Variants in LINGO2 observed in about 807,000 individuals in gnomAD.
LINGO2 encodes leucine-rich repeat and immunoglobulin-like domain-containing nogo receptor-interacting protein 2.
A neutral mutation model predicts 30.6 loss-of-function variants in LINGO2; 14 were observed. The observed-to-expected ratio is 0.46, with a 90% CI of 0.30 to 0.72. The LOEUF is 0.72. Among genes scored for constraint, LINGO2 ranks in the 30% least tolerant of loss-of-function variants. LINGO2 has a pLI of 0.07. For missense variants in LINGO2, 729 were observed against 751.7 expected (o/e 0.97, Z 0.35); for synonymous variants, 317 against 288.5 (o/e 1.10, Z -1.00).
the LINGO2 span, among the ~76,000 whole-genome samples, chr9:28,804,658 C>T: frequency 6.6e-6 from 1 of 151,926 alleles, no homozygotes; most frequent in East Asian, 1.9e-4. Flanking sequence ...AATAATTTGT[C>T]TATATTCTAA....
At chr9:29,048,066 A>T in the LINGO2 span, among the ~76,000 whole-genome samples, 1 of 152,222 alleles carries the variant, frequency 6.6e-6, no homozygotes, top group Non-Finnish European at 1.5e-5. Flanking sequence ...AGCTGAGATC[A>T]CGCCACTGCA....
At chr9:28,376,087 C>CTTT (rs75147834) in intron 2 of LINGO2, among the ~76,000 whole-genome samples, 38 of 138,740 alleles carry the variant, frequency 2.7e-4, no homozygotes, top group African/African-American at 9.8e-4. Flanking sequence ...ACTTTCCTTG[C>CTTT]TTTTTTTTTT....
the LINGO2 span, among the ~76,000 whole-genome samples, chr9:28,783,129 T>TAA: frequency 3.0e-4 from 46 of 152,364 alleles, 2 homozygotes; most frequent in African/African-American, 1.1e-3. Context: ...TTTATGAAGA[T>TAA]AATTCAACTT....
chr9:28,153,336 T>C (rs960845266), intron 4 of LINGO2, among the ~76,000 whole-genome samples: 2 of 152,180 alleles, frequency 1.3e-5, no homozygotes, highest in Non-Finnish European at 2.9e-5. Flanking sequence ...AGTTTGCACA[T>C]ATATGTTATG....
chr9:29,195,352 TGTGTGTGTGTGG>T, the LINGO2 span, among the ~76,000 whole-genome samples: 23 of 152,058 alleles, frequency 1.5e-4, no homozygotes, highest in Non-Finnish European at 3.1e-4. Context: ...ATATTGTGTG[TGTGTGTGTGTGG>T]GTGTGTGTGT....
chr9:28,911,188 G>A, the LINGO2 span, among the ~76,000 whole-genome samples: 5 of 151,670 alleles, frequency 3.3e-5, no homozygotes, highest in Non-Finnish European at 7.4e-5. Context: ...GCATATAAGA[G>A]GTAACAAAAT....
chr9:28,164,232 C>A (rs1320430527), intron 4 of LINGO2, among the ~76,000 whole-genome samples: 2 of 152,150 alleles, frequency 1.3e-5, no homozygotes, highest in Non-Finnish European at 1.5e-5. Context: ...ACCCAGGATT[C>A]ATGTTCTTTT....
At chr9:28,984,105 C>G in the LINGO2 span, among the ~76,000 whole-genome samples, 2 of 152,050 alleles carry the variant, frequency 1.3e-5, no homozygotes, top group Admixed American at 6.6e-5. Flanking sequence ...ATTTTATCCT[C>G]CCAAAGAATT....
At chr9:29,162,610 T>C in the LINGO2 span, among the ~76,000 whole-genome samples, 3 of 152,250 alleles carry the variant, frequency 2.0e-5, no homozygotes, top group East Asian at 1.9e-4. Flanking sequence ...TTGGACAGAA[T>C]AGCCAAGTCA....
At chr9:29,092,181 G>A in the LINGO2 span, among the ~76,000 whole-genome samples, 1 of 151,902 alleles carries the variant, frequency 6.6e-6, no homozygotes, top group Non-Finnish European at 1.5e-5. Flanking sequence ...TTATACAGAT[G>A]AGGAAACAGG....
At chr9:28,988,854 T>A in the LINGO2 span, among the ~76,000 whole-genome samples, 1 of 152,198 alleles carries the variant, frequency 6.6e-6, no homozygotes, top group Admixed American at 6.5e-5. Flanking sequence ...TTGTTTTCAT[T>A]CAGTTTTGCA....
intron 4 of LINGO2, among the ~76,000 whole-genome samples, chr9:28,025,341 T>C (rs1823325682): frequency 6.6e-6 from 1 of 152,238 alleles, no homozygotes; most frequent in African/African-American, 2.4e-5. Context: ...CAGGCATACA[T>C]AATTCATGTC....
At chr9:28,266,008 A>T (rs1424674005) in intron 4 of LINGO2, among the ~76,000 whole-genome samples, 1 of 152,096 alleles carries the variant, frequency 6.6e-6, no homozygotes, top group African/African-American at 2.4e-5. Flanking sequence ...AACACCTAGT[A>T]ATTTTTTCAT....
At chr9:28,493,438 A>C (rs1223426612) in intron 1 of LINGO2, among the ~76,000 whole-genome samples, 5 of 152,214 alleles carry the variant, frequency 3.3e-5, no homozygotes, top group African/African-American at 1.2e-4. Flanking sequence ...ACAGACATCA[A>C]AAGAAGACAT....
chr9:28,109,301 C>A (rs1826698205), intron 4 of LINGO2, among the ~76,000 whole-genome samples: 1 of 152,112 alleles, frequency 6.6e-6, no homozygotes, highest in Non-Finnish European at 1.5e-5. Flanking sequence ...ACTGACTGGA[C>A]AAAAGCTGGA....
chr9:28,167,840 A>G (rs1828475230), intron 4 of LINGO2, among the ~76,000 whole-genome samples: 1 of 152,222 alleles, frequency 6.6e-6, no homozygotes, highest in Non-Finnish European at 1.5e-5. Context: ...CCACCAGGTG[A>G]TTCTAACAGA....
chr9:28,319,220 T>C (rs1378152914), intron 3 of LINGO2, among the ~76,000 whole-genome samples: 1 of 152,154 alleles, frequency 6.6e-6, no homozygotes, highest in Non-Finnish European at 1.5e-5. Context: ...TCAAAAGTAA[T>C]AGGGATGGCC....
chr9:28,686,647 T>A, the LINGO2 span, among the ~76,000 whole-genome samples: 12 of 152,104 alleles, frequency 7.9e-5, no homozygotes, highest in African/African-American at 2.7e-4. Context: ...TTTTTGGTAA[T>A]GAATAGTCAA....
chr9:28,878,357 A>T, the LINGO2 span, among the ~76,000 whole-genome samples: 1 of 152,174 alleles, frequency 6.6e-6, no homozygotes, highest in Non-Finnish European at 1.5e-5. Flanking sequence ...TAGCTTACCA[A>T]CCAAAAAGAG....
Sources: gnomAD v4.1 joint callset for allele counts (sites outside exome capture counted in the v4.1 genomes callset) on GRCh38, gnomAD v4.1.1 for gene constraint, MANE v1.5 for transcripts, NCBI Gene and HGNC (gene_info 2026-07-23, HGNC 2026-07-21) for gene names.